TUSC3: variants seen among roughly 807,000 people sequenced by gnomAD.
TUSC3 encodes dolichyl-diphosphooligosaccharide--protein glycosyltransferase subunit TUSC3.
TUSC3 carries 45 observed loss-of-function variants against 44.8 expected under a neutral mutation model. The ratio of observed to expected loss-of-function variants is 1.00; its 90% CI spans 0.79 to 1.29. TUSC3 has a LOEUF of 1.29. Among genes scored for constraint, TUSC3 ranks in the 50% most tolerant of loss-of-function variants. TUSC3 has a pLI of 0.00. For synonymous variants in TUSC3, 212 were observed against 152.9 expected (o/e 1.39, Z -2.85); for missense variants, 519 against 437.9 (o/e 1.19, Z -1.65).
At chr8:15,537,049 T>C (rs1008127327), upstream of TUSC3, among the ~76,000 whole-genome samples, 7 of 152,176 alleles carry the variant, frequency 4.6e-5, no homozygotes, top group Admixed American at 2.0e-4. Flanking sequence ...TTCCCCTTTG[T>C]TTTTCTTCCT....
intron 10 of TUSC3, among the ~76,000 whole-genome samples, chr8:15,759,490 A>C (rs940881274): frequency 6.6e-6 from 1 of 151,956 alleles, no homozygotes; most frequent in South Asian, 2.1e-4. Flanking sequence ...GATAAATAAA[A>C]AAAACAAAAC....
At chr8:15,643,606 G>A (rs544998005) in intron 2 of TUSC3, among the ~76,000 whole-genome samples, 1 of 152,210 alleles carries the variant, frequency 6.6e-6, no homozygotes, top group South Asian at 2.1e-4. Flanking sequence ...TGGATGCACA[G>A]GGAACAGCTT....
chr8:15,762,927 T>C (rs549915987), intron 10 of TUSC3, among the ~76,000 whole-genome samples: 30 of 152,118 alleles, frequency 2.0e-4, no homozygotes, highest in African/African-American at 6.5e-4. Context: ...TGGTCACCCT[T>C]ATCGTACGCT....
At chr8:15,623,604 T>A (rs1332303915) in intron 2 of TUSC3, among the ~76,000 whole-genome samples, 1 of 151,960 alleles carries the variant, frequency 6.6e-6, no homozygotes, top group East Asian at 1.9e-4. Context: ...GACTCACTTT[T>A]ATCTAGTGTA....
chr8:15,729,780 CA>C (rs1810643016), intron 6 of TUSC3, among the ~76,000 whole-genome samples: 1 of 151,620 alleles, frequency 6.6e-6, no homozygotes, highest in African/African-American at 2.4e-5. Flanking sequence ...ACCTGGGAGA[CA>C]AAATCATTTG....
intron 2 of TUSC3, among the ~76,000 whole-genome samples, chr8:15,521,316 G>A (rs1030899230): frequency 6.6e-6 from 1 of 152,058 alleles, no homozygotes; most frequent in Non-Finnish European, 1.5e-5. Context: ...TTCATGCAGT[G>A]ACAATATACC....
At chr8:15,783,391 A>G in the TUSC3 span, among the ~76,000 whole-genome samples, 4 of 152,230 alleles carry the variant, frequency 2.6e-5, no homozygotes, top group Non-Finnish European at 5.9e-5. Flanking sequence ...TGTATATGGA[A>G]GCACAGAAAA....
intron 1 of TUSC3, among the ~76,000 whole-genome samples, chr8:15,553,978 A>C (rs1181257955): frequency 6.6e-6 from 1 of 151,702 alleles, no homozygotes; most frequent in Non-Finnish European, 1.5e-5. Flanking sequence ...GATGGGCAGC[A>C]TATACACCAT....
chr8:15,659,455 G>C, intron 3 of TUSC3, 52 bp from the exon 4 acceptor site: 1 of 1,591,048 alleles, frequency 6.3e-7, no homozygotes, highest in Non-Finnish European at 8.5e-7. Context: ...TAAAATATTG[G>C]ATTAATGATA....
intron 2 of TUSC3, among the ~76,000 whole-genome samples, chr8:15,494,754 A>G (rs1393053367): frequency 1.3e-5 from 2 of 152,218 alleles, no homozygotes; most frequent in African/African-American, 2.4e-5. Flanking sequence ...TCTGGACTGT[A>G]TTATGACAAA....
intron 6 of TUSC3, among the ~76,000 whole-genome samples, chr8:15,723,852 G>A (rs1810398055): frequency 1.3e-5 from 2 of 152,070 alleles, no homozygotes; most frequent in African/African-American, 4.8e-5. Context: ...AGCACACAAA[G>A]GAGACTCAGG....
chr8:15,525,427 A>G (rs556502145), intron 2 of TUSC3, among the ~76,000 whole-genome samples: 5 of 152,192 alleles, frequency 3.3e-5, no homozygotes, highest in Non-Finnish European at 5.9e-5. Flanking sequence ...TTAAATAAAA[A>G]TGTTACTTAT....
chr8:15,793,154 G>A, the TUSC3 span, among the ~76,000 whole-genome samples: 1 of 152,010 alleles, frequency 6.6e-6, no homozygotes, highest in Non-Finnish European at 1.5e-5. Flanking sequence ...TTTGCTCTGT[G>A]ACTTACTCTG....
intron 2 of TUSC3, among the ~76,000 whole-genome samples, chr8:15,623,593 G>A (rs915101268): frequency 6.6e-6 from 1 of 151,506 alleles, no homozygotes; most frequent in Non-Finnish European, 1.5e-5. Context: ...TTAATAGAGA[G>A]GACTCACTTT....
chr8:15,483,830 T>G (rs549813005), intron 2 of TUSC3, among the ~76,000 whole-genome samples: 10 of 151,496 alleles, frequency 6.6e-5, no homozygotes, highest in African/African-American at 1.9e-4. Context: ...TAATTTTTTT[T>G]GTATTTTTAG....
At chr8:15,582,481 T>C (rs564228997) in intron 1 of TUSC3, among the ~76,000 whole-genome samples, 1 of 152,352 alleles carries the variant, frequency 6.6e-6, no homozygotes, top group South Asian at 2.1e-4. Context: ...ATATCAACAC[T>C]TAATAAGTTT....
chr8:15,798,778 C>T, the TUSC3 span, among the ~76,000 whole-genome samples: 2 of 152,128 alleles, frequency 1.3e-5, no homozygotes, highest in African/African-American at 2.4e-5. Context: ...ACAGGGACAA[C>T]ATTTTAAAGG....
chr8:15,756,669 C>G (rs1286700579), intron 9 of TUSC3, among the ~76,000 whole-genome samples: 1 of 152,166 alleles, frequency 6.6e-6, no homozygotes, highest in Non-Finnish European at 1.5e-5. Flanking sequence ...TATTCCTTGT[C>G]TACTTCCATT....
chr8:15,830,992 AG>A, the TUSC3 span, among the ~76,000 whole-genome samples: 26,375 of 152,216 alleles, frequency 0.17, 2,431 homozygotes, highest in Admixed American at 0.28. Context: ...TGTGCAAGCA[AG>A]GATGGATTCC....
Sources: gnomAD v4.1 joint callset for allele counts (sites outside exome capture counted in the v4.1 genomes callset) on GRCh38, gnomAD v4.1.1 for gene constraint, MANE v1.5 for transcripts, NCBI Gene and HGNC (gene_info 2026-07-23, HGNC 2026-07-21) for gene names.